Variants in CDH23 observed in about 807,000 individuals in gnomAD.
The protein encoded by CDH23 is cadherin related 23.
A neutral mutation model predicts 317.1 loss-of-function variants in CDH23; 189 were observed. The observed-to-expected ratio is 0.60, with a 90% CI of 0.53 to 0.67. The LOEUF is 0.67. Ranked by LOEUF, CDH23 falls within the 30% of genes least tolerant of loss-of-function variation. CDH23 has a pLI of 0.00. For synonymous variants in CDH23, 1,839 were observed against 1,876.8 expected (o/e 0.98, Z 0.52); for missense variants, 4,401 against 4,592.4 (o/e 0.96, Z 1.20).
At chr10:71,783,771 G>A (rs774265352) in intron 41 of CDH23, among the ~76,000 whole-genome samples, 27 of 152,210 alleles carry the variant, frequency 1.8e-4, no homozygotes, top group South Asian at 6.2e-4. Flanking sequence ...CCCCTCATCC[G>A]TCCCCTTCTG....
chr10:71,524,857 T>A (rs1854937123), intron 6 of CDH23, among the ~76,000 whole-genome samples: 1 of 152,192 alleles, frequency 6.6e-6, no homozygotes, highest in Admixed American at 6.5e-5. Flanking sequence ...GGAAACAGAT[T>A]TCCCTTGGAG....
chr10:71,725,405 G>A lies in CDH23; in HGVS notation c.3464G>A (p.Ser1155Asn). The change falls in exon 30 of 70, where the codon AGC becomes AAC. Residue 1155 changes from serine (S) to asparagine (N), a missense_variant. Coordinates refer to ENST00000224721, the MANE Select transcript of CDH23 (RefSeq NM_022124.6). ...GGCAACAACTTCCGGATCCATGTCA[G>A]CAATGGGCTCCTGATGCGAGGGCCC... Reference protein sequence around the residue: ...NHGNNFRIHVSNGLLMRGPRP... With the variant: ...NHGNNFRIHVNNGLLMRGPRP... 6.2e-7 allele frequency: 1 copy of A among 1,614,078 alleles called. No homozygotes were observed.
At chr10:71,628,598 A>G (rs1861860576) in intron 11 of CDH23, among the ~76,000 whole-genome samples, 1 of 152,120 alleles carries the variant, frequency 6.6e-6, no homozygotes, top group Non-Finnish European at 1.5e-5. Context: ...TCCCAGTTCA[A>G]GTGATTCTCC....
At chr10:71,696,084 A>T (rs1428188197) in intron 22 of CDH23, among the ~76,000 whole-genome samples, 2 of 152,218 alleles carry the variant, frequency 1.3e-5, no homozygotes, top group African/African-American at 4.8e-5. Context: ...AATGTGCACA[A>T]TTCAGGGTGC....
At chr10:71,423,472 G>T (rs1368074301) in intron 1 of CDH23, among the ~76,000 whole-genome samples, 1 of 152,186 alleles carries the variant, frequency 6.6e-6, no homozygotes, top group Admixed American at 6.5e-5. Flanking sequence ...GAGTAGGAAG[G>T]TGCTCCTTGG....
At chr10:71,784,248 A>G (rs748030271) in intron 41 of CDH23, 39 bp from the exon 42 acceptor site, 1 of 1,598,624 alleles carries the variant, frequency 6.3e-7, no homozygotes, top group Non-Finnish European at 8.5e-7. Flanking sequence ...AGTTCCTGCC[A>G]ATGCCCGACT....
chr10:71,680,891 C>T (rs1312106891), intron 17 of CDH23, among the ~76,000 whole-genome samples: 3 of 121,370 alleles, frequency 2.5e-5, no homozygotes, highest in East Asian at 2.7e-4. Context: ...TGCAGTGGCT[C>T]GATCTCGGCT....
chr10:71,664,197 AC>A (rs1029584069), intron 14 of CDH23, among the ~76,000 whole-genome samples: 2 of 152,098 alleles, frequency 1.3e-5, no homozygotes, highest in African/African-American at 4.8e-5. Flanking sequence ...GACACCGGCC[AC>A]CCTGACAGCC....
At chr10:71,805,706 C>A in intron 55 of CDH23, 100 bp from the exon 56 acceptor site, 1 of 1,235,964 alleles carries the variant, frequency 8.1e-7, no homozygotes, top group Non-Finnish European at 1.1e-6. Flanking sequence ...CTGTTGAGGA[C>A]ATTCTGCTAC....
At chr10:71,779,487 C>T (rs1166581306) in intron 41 of CDH23, 40 bp downstream of exon 41, 2 of 1,535,036 alleles carry the variant, frequency 1.3e-6, no homozygotes, top group Admixed American at 1.9e-5. Context: ...AGGGTCTCAC[C>T]TGCACACCCG....
chr10:71,741,397 T>G (rs1425676861), intron 37 of CDH23, among the ~76,000 whole-genome samples: 1 of 152,156 alleles, frequency 6.6e-6, no homozygotes, highest in Non-Finnish European at 1.5e-5. Flanking sequence ...TGTGTGGACT[T>G]GCACACATTC....
At chr10:71,516,978 A>T (rs777833726) in intron 6 of CDH23, among the ~76,000 whole-genome samples, 1 of 152,188 alleles carries the variant, frequency 6.6e-6, no homozygotes, top group Non-Finnish European at 1.5e-5. Context: ...CGCCAGACTA[A>T]GCAAGGACTG....
Position 71,798,430 on chromosome 10 carries a change from G to A in CDH23, c.6906G>A (p.Met2302Ile). 1 of 1,613,996 alleles carries A rather than the reference G, an allele frequency of 6.2e-7. No homozygotes were observed. The highest frequency in any genetic ancestry group is 2.2e-5 in the East Asian group (1 of 44,880). Residue 2302 changes from methionine to isoleucine, a missense_variant, in exon 50 of 70, where the codon ATG (methionine) becomes ATA (isoleucine). This residue lies in a region of CDH23 where 3,068 missense variants were observed against 3,203.3 expected (regional missense o/e 0.96). Coordinates refer to ENST00000224721, the MANE Select transcript of CDH23 (RefSeq NM_022124.6). ...AGCCCTTTGGGATCACCTACTACAT[G>A]GAGCGGATCCTGGAGGGGGCCACCC... ...QFKPFGITYY[M>I]ERILEGATPG...
intron 3 of CDH23, among the ~76,000 whole-genome samples, chr10:71,481,995 A>G (rs1257849246): frequency 1.3e-5 from 2 of 152,050 alleles, no homozygotes; most frequent in African/African-American, 4.8e-5. Flanking sequence ...GGCTGGCGTG[A>G]GTGTGAGTCC....
chr10:71,811,495 G>A lies in CDH23; in HGVS notation c.9199-16G>A. On this transcript the variant is annotated splice_polypyrimidine_tract_variant and intron_variant, in intron 63 of 69. Coordinates refer to ENST00000224721, the MANE Select transcript of CDH23 (RefSeq NM_022124.6). ...CCTCCCCACTGCCCGGGCTTACCCT[G>A]GTCCTGCTCCCGCAGATGGCGATCA... 1 of 1,613,928 alleles carries A rather than the reference G, an allele frequency of 6.2e-7. No individual in the cohort carries two copies. The highest frequency in any genetic ancestry group is 8.5e-7 in the Non-Finnish European group (1 of 1,179,882).
intron 38 of CDH23, among the ~76,000 whole-genome samples, chr10:71,773,886 TC>T (rs2132917806): frequency 6.6e-6 from 1 of 152,144 alleles, no homozygotes; most frequent in African/African-American, 2.4e-5. Context: ...GTACCCTACA[TC>T]CTCCAGCCAG....
At chr10:71,474,043 C>T (rs189269149) in intron 3 of CDH23, among the ~76,000 whole-genome samples, 4 of 152,236 alleles carry the variant, frequency 2.6e-5, no homozygotes, top group Non-Finnish European at 5.9e-5. Context: ...TCATCTATAA[C>T]CTAGGAATGG....
chr10:71,533,570 C>CACACACACACACACA (rs1855536445), intron 6 of CDH23, among the ~76,000 whole-genome samples: 1 of 112,314 alleles, frequency 8.9e-6, no homozygotes, highest in South Asian at 2.4e-4. Flanking sequence ...CACACACACA[C>CACACACACACACACA]TGGCTGGGGC....
intron 3 of CDH23, among the ~76,000 whole-genome samples, chr10:71,494,024 C>T (rs1852814230): frequency 6.6e-6 from 1 of 152,174 alleles, no homozygotes. Flanking sequence ...TGAAGGGACT[C>T]AAATTATTTT....
Sources: gnomAD v4.1 joint callset for allele counts (sites outside exome capture counted in the v4.1 genomes callset) on GRCh38, gnomAD v4.1.1 for gene constraint, gnomAD v4.1.1 regional missense constraint, MANE v1.5 for transcripts, NCBI Gene and HGNC (gene_info 2026-07-23, HGNC 2026-07-21) for gene names.